Variants in HLTF observed in about 807,000 individuals in gnomAD.
The protein encoded by HLTF is helicase like transcription factor, also known as DNA-dependent ATPase/E3 ubiquitin-protein ligase HLTF.
Under a neutral mutation model 129.4 loss-of-function variants are expected in HLTF, and 127 were observed. The ratio of observed to expected loss-of-function variants is 0.98; its 90% CI spans 0.85 to 1.14. The LOEUF is 1.14. Ranked by LOEUF, HLTF falls within the 50% of genes most tolerant of loss-of-function variation. The pLI, the probability that HLTF is intolerant of heterozygous loss-of-function variation, is 0.00. For synonymous variants in HLTF, 332 were observed against 388.8 expected (o/e 0.85, Z 1.72); for missense variants, 1,139 against 1,187.1 (o/e 0.96, Z 0.60).
rs1482621694 is a variant in HLTF, at chr3:149,031,505, CCA to C, written c.*713_*714del. 3 of 152,488 alleles carry C rather than the reference CCA, an allele frequency of 2.0e-5. No individual in the cohort carries two copies. The highest frequency in any genetic ancestry group is 4.4e-5 in the Non-Finnish European group (3 of 67,992). 9.4% of individuals were successfully genotyped at this position (152,488 alleles called of 1,614,324 possible). ...GGTAGGACTGGTTTGCCTCTCACTC[CCA>C]CAGACTATATTTATACCTCAGACAC... is the stretch of plus-strand genomic sequence containing the variant. On this transcript the variant is annotated 3_prime_UTR_variant, in exon 25 of 25. Transcript: ENST00000310053.
Position 149,055,294 on chromosome 3 carries a change from A to G in HLTF, c.1473+9T>C. On this transcript the variant is annotated intron_variant, in intron 14 of 24. Transcript: ENST00000310053. ...TTATGTTACATTTTTAAAGGGCTTA[A>G]AGACTTACAATCCAGTTGCTTAACA... 6.3e-7 allele frequency: 1 copy of G among 1,588,468 alleles called. No individual in the cohort carries two copies.
intron 8 of HLTF, among the ~76,000 whole-genome samples, chr3:149,067,619 C>T (rs1718504186): frequency 6.6e-6 from 1 of 152,020 alleles, no homozygotes; most frequent in African/African-American, 2.4e-5. Context: ...CCTCCTGCTT[C>T]AGCCTCCCAA....
At chr3:149,057,454 CA>C (rs1717567429) in intron 13 of HLTF, among the ~76,000 whole-genome samples, 1 of 151,706 alleles carries the variant, frequency 6.6e-6, no homozygotes, top group Non-Finnish European at 1.5e-5. Context: ...AACAAAAAAA[CA>C]GTATCTGCTG....
At chr3:149,078,051 GCAA>G (rs577494484) in intron 2 of HLTF, among the ~76,000 whole-genome samples, 1 of 151,724 alleles carries the variant, frequency 6.6e-6, no homozygotes, top group Non-Finnish European at 1.5e-5. Context: ...ACAAAACTCA[GCAA>G]CAACAAACCA....
At chr3:149,073,025 TG>T (rs1382859760) in intron 5 of HLTF, among the ~76,000 whole-genome samples, 199 bp downstream of exon 5, 1 of 152,224 alleles carries the variant, frequency 6.6e-6, no homozygotes, top group African/African-American at 2.4e-5. Context: ...TGTTCACGTA[TG>T]GATTTATTCC....
chr3:149,045,509 G>T (rs546855192), intron 18 of HLTF, among the ~76,000 whole-genome samples: 74 of 152,234 alleles, frequency 4.9e-4, no homozygotes, highest in Non-Finnish European at 9.6e-4. Flanking sequence ...GAAAGAATAT[G>T]AAAAGAAAGA....
intron 24 of HLTF, among the ~76,000 whole-genome samples, chr3:149,033,898 T>TC (rs1385240490): frequency 1.1e-4 from 17 of 152,114 alleles, no homozygotes; most frequent in Non-Finnish European, 7.4e-5. Flanking sequence ...TAAAGCTTTT[T>TC]CATGACCAAA....
Position 149,075,929 on chromosome 3 carries a change from G to T in HLTF, c.347C>A (p.Ala116Glu). The T allele has an allele frequency of 6.2e-7, 1 of 1,607,758 alleles. No individual in the cohort carries two copies. Among genetic ancestry groups the T allele is most frequent in the African/African-American group, 1.3e-5 (1 of 74,864 alleles). ...GTCCATGATATAGGCCAAAGCACCT[G>T]CAAGCTCTTTCTTTAAATGGCCAAC... ...NQVGHLKKEL[A>E]GALAYIMDNK... The change falls in exon 3 of 25, where the codon GCA (alanine) becomes GAA (glutamate). Residue 116 changes from alanine (A) to glutamate (E), a missense_variant. Transcript: ENST00000310053.
At chr3:149,038,618 C>T (rs1000472620) in intron 23 of HLTF, among the ~76,000 whole-genome samples, 2 of 152,028 alleles carry the variant, frequency 1.3e-5, no homozygotes, top group African/African-American at 2.4e-5. Context: ...TCAATCTTTC[C>T]GACTTAGCCC....
In HLTF at chr3:149,071,360, T is replaced by G. The variant is rs759214479; in HGVS notation, c.786A>C (p.Pro262=). The G allele has an allele frequency of 3.7e-6, 6 of 1,613,178 alleles. No individual in the cohort carries two copies. In the Admixed American group the frequency reaches 6.7e-5, roughly 18 times the overall value. ...ATAAGTCATTTCGCTGTTCCCAGAATGGTGGAAGTTCTTTGCTATTTTCCC... is the reference window on the plus strand; with the variant it reads ...ATAAGTCATTTCGCTGTTCCCAGAAGGGTGGAAGTTCTTTGCTATTTTCCC... ...VSRENSKELP[P]FWEQRNDLYY... is the part of the protein sequence containing the mutation. Residue 262 remains proline, a synonymous_variant, in exon 7 of 25, where the codon CCA becomes CCC. Coordinates refer to ENST00000310053, the MANE Select transcript of HLTF (RefSeq NM_003071.4).
chr3:149,033,524 T>A (rs1192066316), intron 24 of HLTF, among the ~76,000 whole-genome samples: 1 of 152,076 alleles, frequency 6.6e-6, no homozygotes, highest in Non-Finnish European at 1.5e-5. Flanking sequence ...ACCATAGTTG[T>A]TATAAGAGTA....
intron 7 of HLTF, 32 bp from the exon 8 acceptor site, chr3:149,068,367 G>T: frequency 9.6e-7 from 1 of 1,040,172 alleles, no homozygotes; most frequent in Non-Finnish European, 1.4e-6. Context: ...TAAATGGTCA[G>T]ATTGTGAAAC....
intron 23 of HLTF, among the ~76,000 whole-genome samples, chr3:149,037,029 T>G (rs1406180270): frequency 6.6e-6 from 1 of 152,220 alleles, no homozygotes. Context: ...AAAAATAAAA[T>G]TTGGGATTTG....
rs1714897156 is a variant in HLTF, at chr3:149,030,353, A to G, written c.*1867T>C. 2 of 152,188 alleles carry G rather than the reference A, an allele frequency of 1.3e-5. No individual in the cohort carries two copies. The highest frequency in any genetic ancestry group is 1.3e-4 in the Admixed American group (2 of 15,284). The allele number at this position is 152,188 out of a possible 1,614,324, so 9.4% of individuals were successfully genotyped here. The stretch of plus-strand genomic sequence containing the variant: ...TTAAATTTTTTAAATTAAACTTTTA[A>G]AATATAACAACATCTAACAGAACTG... On this transcript the variant is annotated 3_prime_UTR_variant, in exon 25 of 25. Coordinates refer to ENST00000310053, the MANE Select transcript of HLTF (RefSeq NM_003071.4).
At chr3:149,042,004 A>T (rs1349302339) in intron 19 of HLTF, 162 bp downstream of exon 19, 2 of 635,084 alleles carry the variant, frequency 3.1e-6, no homozygotes, top group South Asian at 4.3e-5. Flanking sequence ...TTTCATTGGT[A>T]AAAAAATTAT....
At chr3:149,073,740 G>A (rs918524686) in intron 4 of HLTF, among the ~76,000 whole-genome samples, 1 of 152,034 alleles carries the variant, frequency 6.6e-6, no homozygotes, top group African/African-American at 2.4e-5. Context: ...ATAACAAACT[G>A]CATTAAAAGC....
intron 2 of HLTF, among the ~76,000 whole-genome samples, chr3:149,076,820 T>G (rs1719397432): frequency 6.6e-6 from 1 of 152,190 alleles, no homozygotes; most frequent in Non-Finnish European, 1.5e-5. Context: ...ATAAATTATT[T>G]GTCAGAATCA....
At chr3:149,049,931 G>A (rs566906213) in intron 15 of HLTF, among the ~76,000 whole-genome samples, 149 of 152,160 alleles carry the variant, frequency 9.8e-4, no homozygotes, top group Non-Finnish European at 1.8e-3. Flanking sequence ...GGCAGAGGTT[G>A]CAGTGAGCTG....
chr3:149,048,810 T>C, intron 16 of HLTF, 53 bp downstream of exon 16: 1 of 1,405,188 alleles, frequency 7.1e-7, no homozygotes, highest in Non-Finnish European at 1.0e-6. Flanking sequence ...CTAACTTACA[T>C]AATGATATAT....
Sources: gnomAD v4.1 joint callset for allele counts (sites outside exome capture counted in the v4.1 genomes callset) on GRCh38, gnomAD v4.1.1 for gene constraint, MANE v1.5 for transcripts, NCBI Gene and HGNC (gene_info 2026-07-23, HGNC 2026-07-21) for gene names.